Variants in NCLN observed in about 807,000 individuals in gnomAD.
The protein encoded by NCLN is nicalin, also known as BOS complex subunit NCLN.
NCLN carries 34 observed loss-of-function variants against 69.5 expected under a neutral mutation model. That is an observed-to-expected ratio of 0.49 (90% CI 0.37 to 0.65). The LOEUF is 0.65. NCLN is among the 30% of genes least tolerant of loss of function. NCLN has a pLI of 0.00. For missense variants in NCLN, 710 were observed against 804.8 expected (o/e 0.88, Z 1.42); for synonymous variants, 393 against 358.3 (o/e 1.10, Z -1.09).
Position 3,204,104 on chromosome 19 carries a change from A to G in NCLN, c.989A>G (p.Glu330Gly). The G allele has an allele frequency of 6.5e-7, 1 of 1,530,444 alleles. No homozygotes were observed. Among genetic ancestry groups the G allele is most frequent in the Non-Finnish European group, 8.8e-7 (1 of 1,139,928 alleles). 94.8% of individuals were successfully genotyped at this position (1,530,444 alleles called of 1,614,324 possible). The part of the protein sequence containing the change: ...LHLHVSKPPR[E>G]GTLQHAFLRE... The stretch of plus-strand genomic sequence containing the variant: ...CTGCACGTGTCCAAGCCGCCTCGGG[A>G]GGGCACCCTGCAGCACGCCTTCCTG... Residue 330 changes from glutamate (E) to glycine (G), a missense_variant, in exon 8 of 15, where the codon GAG becomes GGG. Physicochemically the swap from Glu to Gly is moderately conservative, Grantham distance 98. Coordinates refer to ENST00000246117, the MANE Select transcript of NCLN (RefSeq NM_020170.4).
At chr19:3,199,727 G>GAT (rs71164663) in intron 5 of NCLN, among the ~76,000 whole-genome samples, 9 of 108,944 alleles carry the variant, frequency 8.3e-5, no homozygotes, top group African/African-American at 3.4e-4. Flanking sequence ...AATTGAGACA[G>GAT]TCTTGCTCTG....
intron 3 of NCLN, among the ~76,000 whole-genome samples, chr19:3,194,896 A>G (rs1045845787): frequency 1.3e-5 from 2 of 151,922 alleles, no homozygotes; most frequent in African/African-American, 2.4e-5. Flanking sequence ...GTTGAGGGCC[A>G]GGCAAGGTGG....
rs1440183582 is a variant in NCLN, at chr19:3,190,271, A to T, written c.185-2199A>T. 2.0e-5 allele frequency among the ~76,000 whole-genome samples: 3 copies of T among 152,086 alleles called. No individual in the cohort carries two copies. In the East Asian group the frequency reaches 5.8e-4, roughly 29 times the overall value. ...AGGCCTGGTGATGTCAGGCTCTGAGAGGGGAGCAGGGGTGAGGCTGCTGGG... is the reference window on the plus strand; with the variant it reads ...AGGCCTGGTGATGTCAGGCTCTGAGTGGGGAGCAGGGGTGAGGCTGCTGGG... On this transcript the variant is annotated intron_variant, in intron 1 of 14. Coordinates refer to ENST00000246117, the MANE Select transcript of NCLN (RefSeq NM_020170.4).
chr19:3,187,074 G>A (rs531710423), intron 1 of NCLN, among the ~76,000 whole-genome samples: 4 of 152,026 alleles, frequency 2.6e-5, no homozygotes, highest in East Asian at 1.9e-4. Context: ...GCATACCCAC[G>A]CCCTCAGCTC....
At chr19:3,206,570 C>T in intron 12 of NCLN, 145 bp downstream of exon 12, 1 of 1,119,114 alleles carries the variant, frequency 8.9e-7, no homozygotes, top group Non-Finnish European at 1.2e-6. Flanking sequence ...GACACGGCGG[C>T]TGTGCCTGCA....
rs559633803 is a variant in NCLN at position 3,195,568 on chromosome 19, A to G, written c.521-615A>G. Reference sequence around the variant, plus strand: ...CCGGCCGATCATATCTTACATACCTATGATGATTGTGTTTTCATTTTTATT... The same window carrying G: ...CCGGCCGATCATATCTTACATACCTGTGATGATTGTGTTTTCATTTTTATT... On this transcript the variant is annotated intron_variant, in intron 3 of 14. Transcript: ENST00000246117. 1.1e-4 allele frequency among the ~76,000 whole-genome samples: 16 copies of G among 152,190 alleles called. 1 individual carries two copies. The highest frequency in any genetic ancestry group is 8.5e-4 in the Admixed American group (13 of 15,298).
chr19:3,199,034 C>G (rs1916053097), intron 5 of NCLN, 137 bp downstream of exon 5: 2 of 551,260 alleles, frequency 3.6e-6, no homozygotes, highest in Non-Finnish European at 5.8e-6. Context: ...GCCCGTCATC[C>G]TGGTCCCCGC....
chr19:3,191,330 G>T (rs895403560), intron 1 of NCLN, among the ~76,000 whole-genome samples: 1 of 152,150 alleles, frequency 6.6e-6, no homozygotes, highest in Non-Finnish European at 1.5e-5. Context: ...ACCGTGGGGA[G>T]CGCCACCGCA....
chr19:3,185,996 A>T lies in NCLN; in HGVS notation c.-35A>T. On this transcript the variant is annotated 5_prime_UTR_variant, in exon 1 of 15. Transcript: ENST00000246117. The stretch of plus-strand genomic sequence containing the variant: ...GCCGCCGCCGCCGCCGTCCCGTCCC[A>T]GCTGCCGCCCCGCGCGGCCCCGCCG... The T allele has an allele frequency of 2.0e-6, 3 of 1,473,086 alleles. No homozygotes were observed. Among genetic ancestry groups the T allele is most frequent in the Non-Finnish European group, 2.7e-6 (3 of 1,111,996 alleles). 91.3% of individuals were successfully genotyped at this position (1,473,086 alleles called of 1,614,324 possible).
At chr19:3,191,069 G>A (rs1004270951) in intron 1 of NCLN, among the ~76,000 whole-genome samples, 3 of 151,118 alleles carry the variant, frequency 2.0e-5, no homozygotes, top group Non-Finnish European at 4.4e-5. Context: ...TCGTCGCGGT[G>A]TGTGGCGGGC....
Position 3,201,596 on chromosome 19 carries a change from G to C in NCLN, c.770G>C (p.Arg257Pro). 1.3e-6 allele frequency: 2 copies of C among 1,558,752 alleles called. No homozygotes were observed. Among genetic ancestry groups the C allele is most frequent in the Non-Finnish European group, 1.7e-6 (2 of 1,159,740 alleles). Residue 257 changes from arginine (R) to proline (P), a missense_variant, in exon 6 of 15, where the codon CGG (arginine) becomes CCG (proline). Coordinates refer to ENST00000246117, the MANE Select transcript of NCLN (RefSeq NM_020170.4). ...CTGGAGCTGGCACGCCTCTTCTCCC[G>C]GCTCTACACCTACAAGCGCACGCAC... ...VLLELARLFS[R>P]LYTYKRTHAA...
chr19:3,199,037 G>C, intron 5 of NCLN, 140 bp downstream of exon 5: 1 of 537,864 alleles, frequency 1.9e-6, no homozygotes, highest in Non-Finnish European at 3.0e-6. Flanking sequence ...CGTCATCCTG[G>C]TCCCCGCGAG....
chr19:3,201,438 A>G (rs1343318101), intron 5 of NCLN, 85 bp from the exon 6 acceptor site: 29 of 932,934 alleles, frequency 3.1e-5, no homozygotes, highest in Non-Finnish European at 4.7e-5. Flanking sequence ...TGACGGAGAG[A>G]TGACTGTGGC....
chr19:3,193,814 C>T (rs770737007), intron 3 of NCLN, among the ~76,000 whole-genome samples: 10 of 152,110 alleles, frequency 6.6e-5, no homozygotes, highest in African/African-American at 2.2e-4. Context: ...GGCGTGGGTG[C>T]GTCGGCGGTG....
rs369359222 is a variant in NCLN, at chr19:3,207,714, C to T, written c.*26C>T. 4.4e-6 allele frequency: 7 copies of T among 1,594,022 alleles called. No individual in the cohort carries two copies. Among genetic ancestry groups the T allele is most frequent in the East Asian group, 2.2e-5 (1 of 44,766 alleles). On this transcript the variant is annotated 3_prime_UTR_variant, in exon 15 of 15. Transcript: ENST00000246117. ...CACAGCCACCCCCACAGCCGGAGCC[C>T]CCGCCGCTCCACAGTCCCTGGGGCC... is the stretch of plus-strand genomic sequence containing the variant.
rs541686814 is a variant in NCLN at position 3,205,843 on chromosome 19, C to T, written c.1209-96C>T. 3.8e-4 allele frequency: 394 copies of T among 1,045,238 alleles called. 6 individuals carry two copies. In the South Asian group the frequency reaches 4.8e-3, roughly 13 times the overall value. The allele number at this position is 1,045,238 out of a possible 1,614,324, so 64.7% of individuals were successfully genotyped here. A position where few individuals can be genotyped will look rare whatever the true frequency, so the allele number is the denominator to read the frequency against. ...TTTTTTTTTTAAAGACAGAGTCTCA[C>T]GGTCTCCTAGGCTGGAGTGCTGGGA... is the stretch of plus-strand genomic sequence containing the variant. On this transcript the variant is annotated intron_variant, in intron 9 of 14. Coordinates refer to ENST00000246117, the MANE Select transcript of NCLN (RefSeq NM_020170.4). This position sits in a 1 kb window ranked among gnomAD's most constrained non-coding sequence, Gnocchi z 4.6.
intron 1 of NCLN, among the ~76,000 whole-genome samples, chr19:3,190,456 C>T (rs191681644): frequency 5.3e-5 from 8 of 152,340 alleles, no homozygotes; most frequent in Middle Eastern, 3.4e-3. Flanking sequence ...TCAGACACCC[C>T]GTTGGAGCAG....
intron 1 of NCLN, among the ~76,000 whole-genome samples, chr19:3,190,763 C>T (rs1184833785): frequency 2.0e-5 from 3 of 152,196 alleles, no homozygotes; most frequent in Admixed American, 6.5e-5. Context: ...GGCCTGTACC[C>T]GGCCCCCCTG....
rs781748505 is a variant in NCLN at position 3,203,777 on chromosome 19, G to T, written c.822G>T (p.Ala274=). 22 of 1,613,030 alleles carry T rather than the reference G, an allele frequency of 1.4e-5. No homozygotes were observed. The highest frequency in any genetic ancestry group is 1.8e-5 in the Non-Finnish European group (21 of 1,179,814). Residue 274 remains alanine (A), a synonymous_variant, in exon 7 of 15, where the codon GCG becomes GCT. Coordinates refer to ENST00000246117, the MANE Select transcript of NCLN (RefSeq NM_020170.4). ...CCAGCTACAACCTCCTGTTCTTTGC[G>T]TCTGGAGGAGGCAAGTTTAACTACC... is the stretch of plus-strand genomic sequence containing the variant. ...THAAYNLLFF[A]SGGGKFNYQG...
Sources: allele counts gnomAD v4.1 joint callset (sites outside exome capture counted in the v4.1 genomes callset), GRCh38; gene constraint gnomAD v4.1.1; non-coding constraint Gnocchi (gnomAD v3.1); transcripts MANE v1.5; gene names NCBI Gene and HGNC (gene_info 2026-07-23, HGNC 2026-07-21).